ACSS1: variants seen among roughly 807,000 people sequenced by gnomAD.
ACSS1 encodes acetyl-coenzyme A synthetase 2-like, mitochondrial.
ACSS1 carries 42 observed loss-of-function variants against 75.3 expected under a neutral mutation model. The ratio of observed to expected loss-of-function variants is 0.56; its 90% CI spans 0.44 to 0.72. The LOEUF (loss-of-function observed/expected upper bound fraction) is 0.72, where lower values mean the gene tolerates loss of function less well. ACSS1 is among the 30% of genes least tolerant of loss of function. The pLI is 0.00. For missense variants in ACSS1, 782 were observed against 935.7 expected (o/e 0.84, Z 2.14); for synonymous variants, 380 against 376.8 (o/e 1.01, Z -0.10).
rs545969244 is a variant in ACSS1, at chr20:25,014,133, C to T, written c.1340-60G>A. The T allele has an allele frequency of 2.9e-5, 40 of 1,394,658 alleles. No homozygotes were observed. In the South Asian group the frequency reaches 4.6e-4, roughly 16 times the overall value. The allele number at this position is 1,394,658 out of a possible 1,614,324, so 86.4% of individuals were successfully genotyped here. ...CCCCGGACCCAGGGATACGTGTATC[C>T]AGAGTGGGTGGTAGGTGGGACTGTC... On this transcript the variant is annotated intron_variant, in intron 8 of 13. Coordinates refer to ENST00000323482, the MANE Select transcript of ACSS1 (RefSeq NM_032501.4).
intron 2 of ACSS1, among the ~76,000 whole-genome samples, chr20:25,032,101 G>A (rs2088834122): frequency 6.6e-6 from 1 of 152,168 alleles, no homozygotes; most frequent in Non-Finnish European, 1.5e-5. Flanking sequence ...ACAAGGGGAA[G>A]GGAAAGCACT....
At chr20:25,028,935 G>A (rs2088775861) in intron 3 of ACSS1, among the ~76,000 whole-genome samples, 2 of 151,176 alleles carry the variant, frequency 1.3e-5, no homozygotes, top group Admixed American at 1.3e-4. Flanking sequence ...AAAAAAAAAA[G>A]AAAACATAGG....
rs767493061 is a variant in ACSS1 at position 25,015,164 on chromosome 20, G to T, written c.1313C>A (p.Thr438Lys). 5.0e-6 allele frequency: 8 copies of T among 1,613,106 alleles called. No homozygotes were observed. Among genetic ancestry groups the T allele is most frequent in the Middle Eastern group, 3.3e-4 (2 of 6,056 alleles). The change falls in exon 8 of 14, where the codon ACG (threonine) becomes AAG (lysine). Residue 438 changes from threonine (T) to lysine (K), a missense_variant. Transcript: ENST00000323482. Reference sequence around the variant, plus strand: ...TGTCTGCCACCAGGTGTCCACCAGCGTGCACCTGCTGTCCCCCACCACCCT... The same window carrying T: ...TGTCTGCCACCAGGTGTCCACCAGCTTGCACCTGCTGTCCCCCACCACCCT... Reference protein sequence around the residue: ...LHRVVGDSRCTLVDTWWQTET... With the variant: ...LHRVVGDSRCKLVDTWWQTET...
chr20:25,057,234 G>T (rs2089254908), intron 1 of ACSS1, among the ~76,000 whole-genome samples: 1 of 151,974 alleles, frequency 6.6e-6, no homozygotes, highest in African/African-American at 2.4e-5. Context: ...CTGCCACGCC[G>T]AGTTTCCTCC....
chr20:25,017,998 G>A (rs1481068775), intron 7 of ACSS1, among the ~76,000 whole-genome samples: 2 of 152,214 alleles, frequency 1.3e-5, no homozygotes, highest in African/African-American at 4.8e-5. Flanking sequence ...GGCCCAGGCA[G>A]TCAGAATCAC....
At chr20:25,039,918 A>G (rs1391482782) in intron 2 of ACSS1, among the ~76,000 whole-genome samples, 3 of 152,354 alleles carry the variant, frequency 2.0e-5, no homozygotes, top group African/African-American at 7.2e-5. Flanking sequence ...CAATGCCTGA[A>G]GAACTCTGGA....
intron 2 of ACSS1, 115 bp from the exon 3 acceptor site, chr20:25,031,073 G>A (rs746907754): frequency 3.8e-6 from 4 of 1,055,260 alleles, no homozygotes; most frequent in South Asian, 1.4e-5. Context: ...CCCAGTGCCA[G>A]GAAAACAGGC....
chr20:25,048,056 C>G (rs751803851), intron 2 of ACSS1, 29 bp downstream of exon 2: 9 of 1,607,666 alleles, frequency 5.6e-6, no homozygotes, highest in South Asian at 5.5e-5. Flanking sequence ...GCGCCTCCCT[C>G]GCACCTTGAA....
intron 13 of ACSS1, 144 bp downstream of exon 13, chr20:25,009,126 C>T: frequency 1.3e-6 from 1 of 763,760 alleles, no homozygotes. Context: ...CCACCATCCT[C>T]ACCACCAGCC....
At chr20:25,052,765 C>T (rs1016210614) in intron 1 of ACSS1, among the ~76,000 whole-genome samples, 1 of 152,250 alleles carries the variant, frequency 6.6e-6, no homozygotes, top group African/African-American at 2.4e-5. Flanking sequence ...AGCTGAGGGC[C>T]GGCCAGCCAG....
intron 2 of ACSS1, among the ~76,000 whole-genome samples, chr20:25,037,001 A>AAGGAAGGAAGG (rs1568843584): frequency 1.3e-5 from 1 of 76,324 alleles, no homozygotes; most frequent in African/African-American, 4.4e-5. Flanking sequence ...AAGAAAGAAG[A>AAGGAAGGAAGG]AAGAAAGGAA....
intron 2 of ACSS1, among the ~76,000 whole-genome samples, chr20:25,035,920 C>T (rs541038347): frequency 9.2e-5 from 14 of 152,106 alleles, no homozygotes; most frequent in Non-Finnish European, 1.8e-4. Flanking sequence ...TTCCACAAAC[C>T]GAAATGTTAC....
intron 1 of ACSS1, among the ~76,000 whole-genome samples, chr20:25,056,096 C>T (rs1263206624): frequency 1.3e-5 from 2 of 152,226 alleles, no homozygotes; most frequent in African/African-American, 2.4e-5. Context: ...CAGAAGAATG[C>T]TTGCTGACCA....
intron 12 of ACSS1, 102 bp downstream of exon 12, chr20:25,012,499 T>C (rs1451654372): frequency 2.1e-6 from 3 of 1,395,406 alleles, no homozygotes; most frequent in African/African-American, 1.4e-5. Context: ...GCCCACAGTA[T>C]CCCCTATCAC....
chr20:25,007,073 A>G lies in ACSS1; in HGVS notation c.*689T>C. 1 of 1,442,338 alleles carries G rather than the reference A, an allele frequency of 6.9e-7. No individual in the cohort carries two copies. 89.3% of individuals were successfully genotyped at this position (1,442,338 alleles called of 1,614,324 possible). On this transcript the variant is annotated 3_prime_UTR_variant, in exon 14 of 14. Transcript: ENST00000323482. ...GGAGTTAGCTCCATTATACACAACCAAGCACAGGAGAAACACTCACCAGGA... is the reference window on the plus strand; with the variant it reads ...GGAGTTAGCTCCATTATACACAACCGAGCACAGGAGAAACACTCACCAGGA...
intron 1 of ACSS1, among the ~76,000 whole-genome samples, chr20:25,057,196 C>A (rs1600357980): frequency 6.6e-6 from 1 of 152,250 alleles, no homozygotes; most frequent in East Asian, 1.9e-4. Context: ...AGGCCCCAGG[C>A]CCGCAGCGAA....
In ACSS1 at chr20:25,030,952, T is replaced by C. The variant is rs138540552; in HGVS notation, c.438A>G (p.Leu146=). The C allele has an allele frequency of 3.7e-6, 6 of 1,613,854 alleles. No homozygotes were observed. The highest frequency in any genetic ancestry group is 5.1e-6 in the Non-Finnish European group (6 of 1,179,974). ...TGGCCAGGCGGCACGTGGTCTCCAG[T>C]AGTTCCCTGCAGCACAGGGAAGAGA... ...GTEVRITYRE[L]LETTCRLANT... is the part of the protein sequence containing the mutation. The change falls in exon 3 of 14, where the codon CTA becomes CTG. Residue 146 remains leucine (L), a synonymous_variant. Transcript: ENST00000323482.
In ACSS1 at chr20:25,023,591, C is replaced by G. The variant is rs764084393; in HGVS notation, c.682G>C (p.Val228Leu). 1 of 1,613,778 alleles carries G rather than the reference C, an allele frequency of 6.2e-7. No homozygotes were observed. Among genetic ancestry groups the G allele is most frequent in the Non-Finnish European group, 8.5e-7 (1 of 1,179,814 alleles). ...TFNQGLRGGR[V>L]VELKKIVDEA... ...TCCACTATTTTCTTCAGCTCCACCACGCGCCCACCCCGGAGTCCTTGGTTG... is the reference window on the plus strand; with the variant it reads ...TCCACTATTTTCTTCAGCTCCACCAGGCGCCCACCCCGGAGTCCTTGGTTG... Residue 228 changes from valine to leucine, a missense_variant, in exon 4 of 14, where the codon GTG becomes CTG. Transcript: ENST00000323482.
chr20:25,048,848 G>A (rs991021310), intron 1 of ACSS1, among the ~76,000 whole-genome samples: 7 of 152,214 alleles, frequency 4.6e-5, no homozygotes, highest in Admixed American at 6.5e-5. Context: ...GTGGCACACC[G>A]TGAGACTGAG....
Sources: allele counts gnomAD v4.1 joint callset (sites outside exome capture counted in the v4.1 genomes callset), GRCh38; gene constraint gnomAD v4.1.1; transcripts MANE v1.5; gene names NCBI Gene and HGNC (gene_info 2026-07-23, HGNC 2026-07-21).